ANKRD44: variants seen among roughly 807,000 people sequenced by gnomAD.
ANKRD44 encodes the protein ankyrin repeat domain 44, also known as serine/threonine-protein phosphatase 6 regulatory ankyrin repeat subunit B.
Under a neutral mutation model 116.0 loss-of-function variants are expected in ANKRD44, and 35 were observed. That is an observed-to-expected ratio of 0.30 (90% CI 0.23 to 0.40). The LOEUF (loss-of-function observed/expected upper bound fraction) is 0.40, where lower values mean the gene tolerates loss of function less well. Ranked by LOEUF, ANKRD44 falls within the 10% of genes least tolerant of loss-of-function variation. ANKRD44 has a pLI of 1.00. For synonymous variants in ANKRD44, 435 were observed against 461.8 expected, an observed-to-expected ratio of 0.94 and a Z score of 0.74; for missense variants, 1,014 against 1,242.6, an observed-to-expected ratio of 0.82 and a Z score of 2.77.
chr2:197,243,617 G>A (rs150669123), intron 1 of ANKRD44, among the ~76,000 whole-genome samples: 11 of 152,324 alleles, frequency 7.2e-5, no homozygotes, highest in African/African-American at 2.4e-4. Flanking sequence ...GAGATTTATT[G>A]CTCACAGTTC....
At chr2:197,005,352 A>C (rs1004813588) in intron 21 of ANKRD44, among the ~76,000 whole-genome samples, 24 of 152,208 alleles carry the variant, frequency 1.6e-4, no homozygotes, top group Admixed American at 3.3e-4. Context: ...ATTTGGTATT[A>C]GTTTTATTAT....
At chr2:197,048,340 GC>G (rs974271128) in intron 16 of ANKRD44, among the ~76,000 whole-genome samples, 14 of 151,792 alleles carry the variant, frequency 9.2e-5, no homozygotes, top group Non-Finnish European at 1.8e-4. Context: ...CCCTCCCCCT[GC>G]CCCCCACTCC....
chr2:197,078,492 T>C lies in ANKRD44; in HGVS notation c.1650+211A>G, dbSNP rs928613618. 8 of 1,340,804 alleles carry C rather than the reference T, an allele frequency of 6.0e-6. No individual in the cohort carries two copies. In the African/African-American group the frequency reaches 1.0e-4, roughly 17 times the overall value. 83.1% of individuals were successfully genotyped at this position (1,340,804 alleles called of 1,614,324 possible). ...GCTTTTGTGCTGTGCTTAAAAGCCTTGGGTGGTGGTGGGGCTCTAACCTGC... is the reference window on the plus strand; with the variant it reads ...GCTTTTGTGCTGTGCTTAAAAGCCTCGGGTGGTGGTGGGGCTCTAACCTGC... On this transcript the variant is annotated intron_variant, in intron 16 of 27. Coordinates refer to ENST00000282272, the MANE Select transcript of ANKRD44 (RefSeq NM_001195144.2).
At chr2:197,125,260 C>G (rs918384862) in intron 6 of ANKRD44, 121 bp downstream of exon 6, 21 of 904,086 alleles carry the variant, frequency 2.3e-5, no homozygotes, top group East Asian at 1.5e-4. Context: ...AATCTTCATT[C>G]AATTGCAACC....
chr2:197,238,534 C>T (rs2082022327), intron 1 of ANKRD44, among the ~76,000 whole-genome samples: 3 of 152,080 alleles, frequency 2.0e-5, no homozygotes, highest in Admixed American at 2.0e-4. Flanking sequence ...TAGCATAATA[C>T]CATAGAAGGA....
chr2:197,176,751 A>G (rs866932260), intron 2 of ANKRD44, among the ~76,000 whole-genome samples: 30 of 152,300 alleles, frequency 2.0e-4, no homozygotes, highest in Admixed American at 6.5e-4. Context: ...ACTATCCTAC[A>G]CTGCCAGAAA....
intron 16 of ANKRD44, among the ~76,000 whole-genome samples, chr2:197,077,581 A>G (rs1277207257): frequency 1.3e-5 from 2 of 152,112 alleles, no homozygotes; most frequent in African/African-American, 4.8e-5. Flanking sequence ...TACGAACTAC[A>G]CCCCAGAGGA....
At chr2:196,986,507 C>G (rs141282329), downstream of ANKRD44, among the ~76,000 whole-genome samples, 137 of 152,278 alleles carry the variant, frequency 9.0e-4, no homozygotes, top group East Asian at 0.024. Context: ...AATTTTTTCT[C>G]TAATTGTGAT....
chr2:197,079,705 T>C (rs937599987), intron 15 of ANKRD44, among the ~76,000 whole-genome samples: 3 of 152,222 alleles, frequency 2.0e-5, no homozygotes, highest in African/African-American at 7.2e-5. Context: ...ACCAAGCTGA[T>C]TCAATTTCAT....
intron 16 of ANKRD44, among the ~76,000 whole-genome samples, chr2:197,046,537 C>A (rs1458313365): frequency 1.3e-5 from 2 of 151,986 alleles, no homozygotes; most frequent in African/African-American, 2.4e-5. Flanking sequence ...TGTTACAGAA[C>A]CCTCAGAGAG....
chr2:197,048,596 G>C lies in ANKRD44; in HGVS notation c.1651-23329C>G, dbSNP rs112106914. On this transcript the variant is annotated intron_variant, in intron 16 of 27. Transcript: ENST00000282272. ...TCTTAATCCAGCCTATCATTGATGG[G>C]CATTTGGGTTGGTTCCAAGTCTTTG... 6.2e-3 allele frequency among the ~76,000 whole-genome samples: 939 copies of C among 152,258 alleles called. 11 individuals are homozygous for C. Among genetic ancestry groups the C allele is most frequent in the Non-Finnish European group, 0.01 (702 of 68,024 alleles).
In ANKRD44 at chr2:197,041,055, C is replaced by T. The variant is rs527541650; in HGVS notation, c.1651-15788G>A. ...AAGTCTTACTATCCTTTGGAAATGC[C>T]TATAAAAGTCTCCTCCCCTCAGTAC... On this transcript the variant is annotated intron_variant, in intron 16 of 27. Coordinates refer to ENST00000282272, the MANE Select transcript of ANKRD44 (RefSeq NM_001195144.2). Among the ~76,000 whole-genome samples, 4 of 152,302 alleles carry T rather than the reference C, an allele frequency of 2.6e-5. No individual in the cohort carries two copies. The East Asian group carries it at 7.7e-4, about 29-fold the overall frequency.
chr2:197,298,147 T>C (rs1217807299), intron 1 of ANKRD44, among the ~76,000 whole-genome samples: 2 of 152,266 alleles, frequency 1.3e-5, no homozygotes, highest in Non-Finnish European at 2.9e-5. Context: ...AAGAGAGGCA[T>C]GGCAGCCAGG....
intron 21 of ANKRD44, among the ~76,000 whole-genome samples, chr2:197,002,421 G>T (rs2076129675): frequency 6.6e-6 from 1 of 152,172 alleles, no homozygotes; most frequent in Non-Finnish European, 1.5e-5. Flanking sequence ...TCAACAAAAT[G>T]GTAGGTAGTT....
chr2:197,255,086 G>A (rs2082413888), intron 1 of ANKRD44, among the ~76,000 whole-genome samples: 1 of 152,232 alleles, frequency 6.6e-6, no homozygotes, highest in South Asian at 2.1e-4. Context: ...GAGATGAAGA[G>A]TGAGGGTCAG....
chr2:197,064,055 C>T (rs547809782), intron 16 of ANKRD44, among the ~76,000 whole-genome samples: 4 of 152,160 alleles, frequency 2.6e-5, no homozygotes, highest in African/African-American at 4.8e-5. Context: ...CAGAGAGAAA[C>T]GTCGGGTTAC....
At position 197,044,781 on chromosome 2, in the gene ANKRD44, A is replaced by G. The variant is rs190987404; in HGVS notation, c.1651-19514T>C. ...CACTTGGTCCTAAAATAATAAAGCA[A>G]GCCCTCTATTTGTAAATAGTTTATA... On this transcript the variant is annotated intron_variant, in intron 16 of 27. Coordinates refer to ENST00000282272, the MANE Select transcript of ANKRD44 (RefSeq NM_001195144.2). Among the ~76,000 whole-genome samples, 428 of 152,284 alleles carry G rather than the reference A, an allele frequency of 2.8e-3. 1 individual carries two copies. Among genetic ancestry groups the G allele is most frequent in the Non-Finnish European group, 4.4e-3 (297 of 68,032 alleles).
At chr2:197,227,677 G>C (rs2081752095) in intron 1 of ANKRD44, among the ~76,000 whole-genome samples, 1 of 152,158 alleles carries the variant, frequency 6.6e-6, no homozygotes, top group Admixed American at 6.5e-5. Flanking sequence ...AGAACAACGG[G>C]AGAGTTGAAT....
intron 1 of ANKRD44, among the ~76,000 whole-genome samples, chr2:197,197,720 G>A (rs1293161140): frequency 1.4e-5 from 2 of 146,526 alleles, no homozygotes; most frequent in Non-Finnish European, 3.0e-5. Context: ...TGAGGTGGGA[G>A]AACCAACTGA....
Sources: allele counts gnomAD v4.1 joint callset (sites outside exome capture counted in the v4.1 genomes callset), GRCh38; gene constraint gnomAD v4.1.1; transcripts MANE v1.5; gene names NCBI Gene and HGNC (gene_info 2026-07-23, HGNC 2026-07-21).